The following DNMT3B variants were observed in gnomAD, a reference collection of about 807,000 sequenced individuals.
DNMT3B encodes the protein DNA (cytosine-5)-methyltransferase 3B.
DNMT3B carries 37 observed loss-of-function variants against 120.2 expected under a neutral mutation model. The ratio of observed to expected loss-of-function variants is 0.31; its 90% CI spans 0.24 to 0.40. The LOEUF is 0.40. Ranked by LOEUF, DNMT3B falls within the 10% of genes least tolerant of loss-of-function variation. The probability of loss-of-function intolerance (pLI) is 1.00; values close to 1 mark genes in which losing one functional copy is unlikely to be tolerated. For missense variants in DNMT3B, 878 were observed against 1,137.3 expected (o/e 0.77, Z 3.28); for synonymous variants, 412 against 442.8 (o/e 0.93, Z 0.87).
chr20:32,771,119 G>A (rs1987711403), intron 1 of DNMT3B, among the ~76,000 whole-genome samples: 2 of 152,122 alleles, frequency 1.3e-5, no homozygotes, highest in Non-Finnish European at 2.9e-5. Flanking sequence ...AATACATAGT[G>A]TGCAAGGACA....
At chr20:32,791,828 G>A (rs1209674212) in intron 8 of DNMT3B, 120 bp downstream of exon 8, 1 of 1,055,746 alleles carries the variant, frequency 9.5e-7, no homozygotes, top group Non-Finnish European at 1.4e-6. Flanking sequence ...GGCCAGGGAG[G>A]AGGTAAATGA....
rs546339164 is a variant in DNMT3B at position 32,768,332 on chromosome 20, A to G, written c.-7+5633A>G. 6.0e-5 allele frequency among the ~76,000 whole-genome samples: 9 copies of G among 151,154 alleles called. No homozygotes were observed. The East Asian group carries it at 1.8e-3, about 29-fold the overall frequency. Reference sequence around the variant, plus strand: ...CTCAGCCTCCCGAGTAGCTGGGATTACAGGCATGCACCACCATTCCCGACT... The same window carrying G: ...CTCAGCCTCCCGAGTAGCTGGGATTGCAGGCATGCACCACCATTCCCGACT... On this transcript the variant is annotated intron_variant, in intron 1 of 22. Coordinates refer to ENST00000328111, the MANE Select transcript of DNMT3B (RefSeq NM_006892.4).
intron 1 of DNMT3B, among the ~76,000 whole-genome samples, chr20:32,777,746 TG>T (rs1988137961): frequency 6.6e-6 from 1 of 152,192 alleles, no homozygotes; most frequent in Non-Finnish European, 1.5e-5. Flanking sequence ...GCAGCTTTCC[TG>T]GGATTCTGAC....
intron 1 of DNMT3B, among the ~76,000 whole-genome samples, chr20:32,767,589 C>G (rs186023863): frequency 6.6e-6 from 1 of 152,244 alleles, no homozygotes; most frequent in East Asian, 1.9e-4. Context: ...CGTGCCACCA[C>G]GCCCATCTAA....
intron 1 of DNMT3B, among the ~76,000 whole-genome samples, chr20:32,765,275 T>G (rs548160265): frequency 2.2e-4 from 33 of 152,254 alleles, no homozygotes; most frequent in Non-Finnish European, 4.4e-4. Context: ...AGGCCACTCT[T>G]GTAAAAAGAG....
intron 13 of DNMT3B, 84 bp downstream of exon 13, chr20:32,796,953 GACTCAGTGAAGCCC>G: frequency 6.2e-7 from 1 of 1,613,906 alleles, no homozygotes; most frequent in African/African-American, 1.3e-5. Flanking sequence ...CCTGTGTGGA[GACTCAGTGAAGCCC>G]ACTCATCCCA....
At chr20:32,805,553 C>A in intron 21 of DNMT3B, 146 bp downstream of exon 21, 1 of 858,702 alleles carries the variant, frequency 1.2e-6, no homozygotes, top group Non-Finnish European at 1.9e-6. Context: ...CATGATTGTT[C>A]TGTCCCATCC....
intron 2 of DNMT3B, 76 bp downstream of exon 2, chr20:32,780,541 TG>T: frequency 6.4e-7 from 1 of 1,573,764 alleles, no homozygotes. Context: ...CTGGAGGCTT[TG>T]GGGAGAGTCT....
rs137988389 is a variant in DNMT3B at position 32,798,661 on chromosome 20, G to A, written c.1674+18G>A. ...TTGAATATGTAAGCCACAGGCTCCC[G>A]CCTCTACCACCACAGATCCCAGGGG... On this transcript the variant is annotated intron_variant, in intron 15 of 22. Coordinates refer to ENST00000328111, the MANE Select transcript of DNMT3B (RefSeq NM_006892.4). 111 of 1,613,738 alleles carry A rather than the reference G, an allele frequency of 6.9e-5. 1 individual carries two copies. The highest frequency in any genetic ancestry group is 3.4e-4 in the Middle Eastern group (2 of 5,968).
At chr20:32,773,657 C>T (rs113462369) in intron 1 of DNMT3B, among the ~76,000 whole-genome samples, 191 of 148,584 alleles carry the variant, frequency 1.3e-3, no homozygotes, top group African/African-American at 4.5e-3. Context: ...TGTCACTGGG[C>T]CTAGAGTGCA....
In DNMT3B at chr20:32,787,390, G is replaced by A. The variant is rs770040598; in HGVS notation, c.593G>A (p.Gly198Glu). Reference protein sequence around the residue: ...YARLAQDSQQGGMESPQVEAD... With the variant: ...YARLAQDSQQEGMESPQVEAD... The stretch of plus-strand genomic sequence containing the variant: ...CGCCTAGCCCAGGACAGCCAGCAGG[G>A]GGGCATGGAGTCCCCGCAGGTGGAG... Residue 198 changes from glycine (G) to glutamate (E), a missense_variant, in exon 6 of 23, where the codon GGG (glycine) becomes GAG (glutamate). By Grantham distance (98) the Gly-to-Glu change is moderately conservative. Coordinates refer to ENST00000328111, the MANE Select transcript of DNMT3B (RefSeq NM_006892.4). The A allele has an allele frequency of 1.4e-5, 22 of 1,614,232 alleles. No individual in the cohort carries two copies. In the Admixed American group the frequency reaches 3.7e-4, roughly 27 times the overall value.
At chr20:32,806,116 C>T in intron 21 of DNMT3B, 93 bp from the exon 22 acceptor site, 1 of 1,170,972 alleles carries the variant, frequency 8.5e-7, no homozygotes, top group Non-Finnish European at 1.3e-6. Flanking sequence ...CGCACCTGCG[C>T]TCTCCCCTCC....
rs538737663 is a variant in DNMT3B, at chr20:32,775,011, C to T, written c.-6-5307C>T. On this transcript the variant is annotated intron_variant, in intron 1 of 22. Transcript: ENST00000328111. ...TGCTGGGATTACAAGCGTGAGCCAC[C>T]GCGCCTGGCCTAATTTTTTTATTTT... 2.8e-3 allele frequency among the ~76,000 whole-genome samples: 423 copies of T among 152,052 alleles called. 3 individuals carry two copies. The highest frequency in any genetic ancestry group is 3.6e-3 in the Non-Finnish European group (242 of 67,980).
intron 1 of DNMT3B, among the ~76,000 whole-genome samples, chr20:32,763,378 G>A (rs1987095009): frequency 6.6e-6 from 1 of 152,194 alleles, no homozygotes; most frequent in Non-Finnish European, 1.5e-5. Context: ...GGGGAGCAGC[G>A]GGGCTGCCCT....
chr20:32,799,458 A>C, intron 16 of DNMT3B, 130 bp downstream of exon 16: 1 of 1,001,834 alleles, frequency 1.0e-6, no homozygotes, highest in South Asian at 1.4e-5. Flanking sequence ...GCCCTGAAAA[A>C]AACCCTGTCT....
chr20:32,808,826 A>G lies in DNMT3B; in HGVS notation c.*923A>G. ...CCTCTCCAGGAGACCTACCCTCCAC[A>G]GGCACAGGTCCCCAGATGAGAAGTC... On this transcript the variant is annotated 3_prime_UTR_variant, in exon 23 of 23. Transcript: ENST00000328111. The G allele has an allele frequency of 4.4e-6, 1 of 227,752 alleles. No homozygotes were observed. Among genetic ancestry groups the G allele is most frequent in the Non-Finnish European group, 8.7e-6 (1 of 114,652 alleles). The allele number at this position is 227,752 out of a possible 1,614,324, so 14.1% of individuals were successfully genotyped here. A position where few individuals can be genotyped will look rare whatever the true frequency, so the allele number is the denominator to read the frequency against.
At chr20:32,765,723 T>TTTTA (rs1021007384) in intron 1 of DNMT3B, among the ~76,000 whole-genome samples, 18 of 148,908 alleles carry the variant, frequency 1.2e-4, no homozygotes, top group South Asian at 2.1e-4. Flanking sequence ...CCCGGCTGCT[T>TTTTA]TTTATTTATT....
intron 1 of DNMT3B, among the ~76,000 whole-genome samples, chr20:32,772,874 A>ATTTTT (rs397960769): frequency 1.2e-4 from 15 of 129,380 alleles, no homozygotes; most frequent in Non-Finnish European, 1.6e-4. Flanking sequence ...GTTTGGACAC[A>ATTTTT]TTTTTTTTTT....
At chr20:32,802,343 CTAA>C in intron 19 of DNMT3B, 39 bp from the exon 20 acceptor site, 1 of 1,603,986 alleles carries the variant, frequency 6.2e-7, no homozygotes, top group Non-Finnish European at 8.5e-7. Context: ...CACTGAAACT[CTAA>C]TAATAGGCTC....
Sources: gnomAD v4.1 joint callset for allele counts (sites outside exome capture counted in the v4.1 genomes callset) on GRCh38, gnomAD v4.1.1 for gene constraint, MANE v1.5 for transcripts, NCBI Gene and HGNC (gene_info 2026-07-23, HGNC 2026-07-21) for gene names.